The following DYRK4 variants were observed in gnomAD, a reference collection of about 807,000 sequenced individuals.
The protein encoded by DYRK4 is dual specificity tyrosine phosphorylation regulated kinase 4.
Under a neutral mutation model 68.3 loss-of-function variants are expected in DYRK4, and 64 were observed. The observed-to-expected ratio is 0.94, with a 90% CI of 0.77 to 1.15. DYRK4 has a LOEUF of 1.15. Ranked by LOEUF, DYRK4 falls within the 50% of genes most tolerant of loss-of-function variation. DYRK4 has a pLI of 0.00. For missense variants in DYRK4, 740 were observed against 764.7 expected, an observed-to-expected ratio of 0.97 and a Z score of 0.38; for synonymous variants, 274 against 289.9, an observed-to-expected ratio of 0.95 and a Z score of 0.56.
intron 13 of DYRK4, among the ~76,000 whole-genome samples, chr12:4,611,125 C>G (rs1045266119): frequency 6.6e-6 from 1 of 152,180 alleles, no homozygotes; most frequent in African/African-American, 2.4e-5. Flanking sequence ...GTCTCTTATT[C>G]TTCCAGTTGG....
At chr12:4,596,006 C>T (rs943374109) in intron 6 of DYRK4, 143 bp from the exon 7 acceptor site, 15 of 863,728 alleles carry the variant, frequency 1.7e-5, no homozygotes, top group Admixed American at 1.4e-4. Flanking sequence ...GAGATGAGGG[C>T]GAGAGTCGCA....
chr12:4,602,226 C>A, intron 10 of DYRK4: 1 of 1,031,524 alleles, frequency 9.7e-7, no homozygotes, highest in South Asian at 1.3e-5. Flanking sequence ...GCTTTGCTTG[C>A]TGAATTCTCC....
chr12:4,600,251 G>A (rs183893188), intron 10 of DYRK4, among the ~76,000 whole-genome samples: 6 of 150,758 alleles, frequency 4.0e-5, no homozygotes, highest in South Asian at 2.1e-4. Context: ...TTTTCACAGC[G>A]TTTACTGAAC....
intron 6 of DYRK4, among the ~76,000 whole-genome samples, chr12:4,593,378 G>C (rs1944979575): frequency 6.6e-6 from 1 of 152,162 alleles, no homozygotes. Flanking sequence ...ACTAATGGAA[G>C]ACTAATTTTC....
At position 4,597,155 on chromosome 12, in the gene DYRK4, GT is replaced by G. The variant is rs578191024; in HGVS notation, c.905+427del. 743 of 1,042,220 alleles carry G rather than the reference GT, an allele frequency of 7.1e-4. 4 individuals carry two copies. The African/African-American group carries it at 0.012, about 17-fold the overall frequency. The allele number at this position is 1,042,220 out of a possible 1,614,324, so 64.6% of individuals were successfully genotyped here. The stretch of plus-strand genomic sequence containing the variant: ...AGTGGGAAATGGGTTTTGATTTTGA[GT>G]AAATAAGGACAAGAGCAGATATTTT... On this transcript the variant is annotated intron_variant, in intron 8 of 14. Coordinates refer to ENST00000543431, the MANE Select transcript of DYRK4 (RefSeq NM_001394779.1).
In DYRK4 at chr12:4,610,143, C is replaced by T. The variant is rs950757275; in HGVS notation, c.1361-12C>T. On this transcript the variant is annotated splice_polypyrimidine_tract_variant and intron_variant, in intron 12 of 14. Coordinates refer to ENST00000543431, the MANE Select transcript of DYRK4 (RefSeq NM_001394779.1). The stretch of plus-strand genomic sequence containing the variant: ...CACCTGAAACTAAATACAGAATGTT[C>T]TATCTCTACAGATTCCAAAGGTTTT... 6.3e-7 allele frequency: 1 copy of T among 1,574,874 alleles called. No homozygotes were observed. Among genetic ancestry groups the T allele is most frequent in the Admixed American group, 1.9e-5 (1 of 51,312 alleles).
intron 10 of DYRK4, chr12:4,602,428 T>C: frequency 9.9e-7 from 1 of 1,014,182 alleles, no homozygotes; most frequent in Non-Finnish European, 1.6e-6. Flanking sequence ...ACTGATGAGA[T>C]ATGTGCAGAC....
rs1246941685 is a variant in DYRK4 at position 4,613,618 on chromosome 12, T to C, written c.1770T>C (p.Thr590=). Residue 590 remains threonine, a synonymous_variant, in exon 15 of 15, where the codon ACT becomes ACC. Transcript: ENST00000543431. The surrounding 1 kb of genome is among the most constrained non-coding windows in gnomAD (Gnocchi z 4.0). ...ACTGTCTCCAGCACGGAGCTGACAC[T>C]GTTCAGCTGCCTCAACTGGTAGACG... ...QQDCLQHGAD[T]VQLPQLVDAP... The C allele has an allele frequency of 1.9e-6, 3 of 1,614,126 alleles. No individual in the cohort carries two copies. Among genetic ancestry groups the C allele is most frequent in the South Asian group, 1.1e-5 (1 of 91,080 alleles).
At chr12:4,575,588 CAT>C (rs1426286946) in intron 2 of DYRK4, among the ~76,000 whole-genome samples, 1 of 152,092 alleles carries the variant, frequency 6.6e-6, no homozygotes, top group Non-Finnish European at 1.5e-5. Flanking sequence ...GGATTACAGG[CAT>C]GAGCCACCGT....
At chr12:4,580,719 G>T (rs895373002) in intron 2 of DYRK4, 7 of 422,086 alleles carry the variant, frequency 1.7e-5, no homozygotes, top group Non-Finnish European at 3.3e-5. Flanking sequence ...GGATGACAGA[G>T]CCTGTAAGGA....
intron 2 of DYRK4, among the ~76,000 whole-genome samples, chr12:4,579,840 G>C (rs557232216): frequency 4.3e-4 from 66 of 152,188 alleles, no homozygotes; most frequent in Non-Finnish European, 8.5e-4. Flanking sequence ...CTTTGGAGGG[G>C]AAGTTCTTTA....
chr12:4,598,485 A>G (rs551895957), intron 8 of DYRK4, among the ~76,000 whole-genome samples: 42 of 152,294 alleles, frequency 2.8e-4, no homozygotes, highest in African/African-American at 1.0e-3. Context: ...CACCCTAGAG[A>G]ATTTAAGATT....
Position 4,612,986 on chromosome 12 carries a change from A to C in DYRK4, c.1666+268A>C, listed in dbSNP as rs117722566. Reference sequence around the variant, plus strand: ...ACCTTTGGGATTTTCCTTTTCAGGGAAATTTGGCATTAGCCTGGATCTTTT... The same window carrying C: ...ACCTTTGGGATTTTCCTTTTCAGGGCAATTTGGCATTAGCCTGGATCTTTT... On this transcript the variant is annotated intron_variant, in intron 14 of 14. Coordinates refer to ENST00000543431, the MANE Select transcript of DYRK4 (RefSeq NM_001394779.1). 9.0e-3 allele frequency: 3,515 copies of C among 390,812 alleles called. 35 individuals carry two copies. The highest frequency in any genetic ancestry group is 0.038 in the Middle Eastern group (53 of 1,394). The allele number at this position is 390,812 out of a possible 1,614,324, so 24.2% of individuals were successfully genotyped here.
Position 4,589,037 on chromosome 12 carries a change from T to A in DYRK4, c.213+20T>A. 4 of 1,535,096 alleles carry A rather than the reference T, an allele frequency of 2.6e-6. No individual in the cohort carries two copies. The highest frequency in any genetic ancestry group is 2.6e-6 in the Non-Finnish European group (3 of 1,146,090). ...CATAAGGTAGGGAGTGATGGTCAGC[T>A]CCTTTTCTCTAGGAGAGAATGAGGA... On this transcript the variant is annotated intron_variant, in intron 3 of 14. Coordinates refer to ENST00000543431, the MANE Select transcript of DYRK4 (RefSeq NM_001394779.1).
chr12:4,576,823 T>C (rs1452936809), intron 2 of DYRK4, among the ~76,000 whole-genome samples: 1 of 152,218 alleles, frequency 6.6e-6, no homozygotes, highest in Non-Finnish European at 1.5e-5. Flanking sequence ...AGAGCTGGTG[T>C]TTATTCAGAT....
At chr12:4,573,727 T>A (rs1944755692) in intron 2 of DYRK4, among the ~76,000 whole-genome samples, 1 of 152,172 alleles carries the variant, frequency 6.6e-6, no homozygotes, top group African/African-American at 2.4e-5. Flanking sequence ...CCAAAGAGAT[T>A]TATGTAGCCA....
At chr12:4,589,385 T>C (rs142945196) in intron 3 of DYRK4, among the ~76,000 whole-genome samples, 143 of 152,288 alleles carry the variant, frequency 9.4e-4, no homozygotes, top group African/African-American at 3.3e-3. Flanking sequence ...TAAATTACTA[T>C]TGATTATAGT....
At chr12:4,596,058 C>T in intron 6 of DYRK4, 91 bp from the exon 7 acceptor site, 7 of 1,407,834 alleles carry the variant, frequency 5.0e-6, no homozygotes, top group Non-Finnish European at 6.9e-6. Flanking sequence ...AGGAGTGAGC[C>T]ATAATCTGGG....
intron 10 of DYRK4, 199 bp from the exon 11 acceptor site, chr12:4,604,715 C>A (rs751717099): frequency 2.6e-5 from 6 of 232,778 alleles, no homozygotes; most frequent in Non-Finnish European, 4.2e-5. Flanking sequence ...AAAGCAGGGA[C>A]AGTCACACCT....
Sources: allele counts gnomAD v4.1 joint callset (sites outside exome capture counted in the v4.1 genomes callset), GRCh38; gene constraint gnomAD v4.1.1; non-coding constraint Gnocchi (gnomAD v3.1); transcripts MANE v1.5; gene names NCBI Gene and HGNC (gene_info 2026-07-23, HGNC 2026-07-21).